MACROD2: variants seen among roughly 807,000 people sequenced by gnomAD.
MACROD2 encodes ADP-ribose glycohydrolase MACROD2.
In MACROD2, 36 loss-of-function variants were observed where a neutral mutation model predicts 70.4. The observed-to-expected ratio is 0.51, with a 90% CI of 0.39 to 0.68. The LOEUF (loss-of-function observed/expected upper bound fraction) is 0.68, where lower values mean the gene tolerates loss of function less well. Ranked by LOEUF, MACROD2 falls within the 30% of genes least tolerant of loss-of-function variation. The pLI is 0.00. For synonymous variants in MACROD2, 172 were observed against 178.8 expected (o/e 0.96, Z 0.30); for missense variants, 496 against 538.4 (o/e 0.92, Z 0.78).
In MACROD2 at chr20:14,316,415, T is replaced by C. The variant is rs183923895; in HGVS notation, c.272-177064T>C. Among the ~76,000 whole-genome samples, 719 of 152,316 alleles carry C rather than the reference T, an allele frequency of 4.7e-3. 3 individuals carry two copies. The highest frequency in any genetic ancestry group is 0.017 in the African/African-American group (699 of 41,570). On this transcript the variant is annotated intron_variant, in intron 3 of 17. Transcript: ENST00000684519. ...TAATCTTTTTTTCTTGACTCAAACA[T>C]TAAAAAATTTACTGATGAAGTATTT...
intron 2 of MACROD2, among the ~76,000 whole-genome samples, chr20:14,024,771 C>T (rs756804926): frequency 3.9e-5 from 6 of 152,072 alleles, no homozygotes; most frequent in Non-Finnish European, 7.4e-5. Flanking sequence ...GAATTCGGTT[C>T]GCCAGTACTT....
chr20:14,372,441 T>C (rs543631843), intron 3 of MACROD2, among the ~76,000 whole-genome samples: 21 of 152,274 alleles, frequency 1.4e-4, no homozygotes, highest in Admixed American at 1.3e-3. Context: ...GGAGATTTGA[T>C]AGAAAATGTC....
intron 3 of MACROD2, among the ~76,000 whole-genome samples, chr20:14,244,786 A>G (rs538269536): frequency 2.6e-5 from 4 of 152,222 alleles, no homozygotes; most frequent in Non-Finnish European, 5.9e-5. Context: ...CCATGCTGTG[A>G]TATTACTTGG....
intron 8 of MACROD2, among the ~76,000 whole-genome samples, chr20:15,583,652 T>G (rs540340762): frequency 7.2e-5 from 11 of 152,312 alleles, no homozygotes; most frequent in African/African-American, 1.9e-4. Flanking sequence ...TTTTGTTTTT[T>G]TTTCTTATTG....
chr20:14,331,539 A>G (rs6110247), intron 3 of MACROD2, among the ~76,000 whole-genome samples: 24,841 of 152,058 alleles, frequency 0.16, 2,583 homozygotes, highest in East Asian at 0.29. Flanking sequence ...GCAAAAACAT[A>G]AAACAGGTTT....
intron 3 of MACROD2, among the ~76,000 whole-genome samples, chr20:14,289,155 T>C (rs1225838891): frequency 6.6e-6 from 1 of 152,192 alleles, no homozygotes; most frequent in Non-Finnish European, 1.5e-5. Flanking sequence ...TGGGGGACTC[T>C]ATTCAGTACA....
chr20:14,373,236 C>G (rs1384665053), intron 3 of MACROD2, among the ~76,000 whole-genome samples: 1 of 152,024 alleles, frequency 6.6e-6, no homozygotes, highest in Non-Finnish European at 1.5e-5. Flanking sequence ...ATTTAGTGCC[C>G]TTGCTTTTCC....
chr20:15,880,348 T>G (rs2064737241), intron 9 of MACROD2, among the ~76,000 whole-genome samples: 1 of 151,938 alleles, frequency 6.6e-6, no homozygotes, highest in African/African-American at 2.4e-5. Context: ...TTTACAGATG[T>G]TTTTCCCTCT....
intron 8 of MACROD2, among the ~76,000 whole-genome samples, chr20:15,817,832 T>A (rs2063893798): frequency 2.0e-5 from 3 of 152,178 alleles, no homozygotes; most frequent in Admixed American, 2.0e-4. Flanking sequence ...AGTTTCAGAA[T>A]AAAGCGTAGG....
At chr20:15,936,116 G>A (rs536831724) in intron 11 of MACROD2, among the ~76,000 whole-genome samples, 3 of 151,678 alleles carry the variant, frequency 2.0e-5, no homozygotes, top group South Asian at 4.2e-4. Context: ...TTAGTTCCCC[G>A]ACCCTGCTAC....
chr20:14,252,053 A>T (rs996772868), intron 3 of MACROD2, among the ~76,000 whole-genome samples: 67 of 152,082 alleles, frequency 4.4e-4, no homozygotes, highest in African/African-American at 1.5e-3. Context: ...TTAATCTTTT[A>T]TGTGTCCCAC....
In MACROD2 at chr20:14,069,443, A is replaced by G. The variant is rs955774822; in HGVS notation, c.164-16178A>G. Among the ~76,000 whole-genome samples the G allele has an allele frequency of 2.6e-5, 4 of 151,808 alleles. No individual in the cohort carries two copies. The South Asian group carries it at 6.3e-4, about 24-fold the overall frequency. On this transcript the variant is annotated intron_variant, in intron 2 of 17. Transcript: ENST00000684519. ...TTTGCTTTCAGATTTACAACACAGTATATTTGTATATATTTATACCAGGCT... is the reference window on the plus strand; with the variant it reads ...TTTGCTTTCAGATTTACAACACAGTGTATTTGTATATATTTATACCAGGCT...
At chr20:15,177,507 C>A (rs1343801804) in intron 5 of MACROD2, among the ~76,000 whole-genome samples, 1 of 152,084 alleles carries the variant, frequency 6.6e-6, no homozygotes, top group Non-Finnish European at 1.5e-5. Flanking sequence ...GCAGAAAACT[C>A]CTCTTTGACT....
At chr20:14,058,051 A>G (rs1226183348) in intron 2 of MACROD2, among the ~76,000 whole-genome samples, 4 of 152,170 alleles carry the variant, frequency 2.6e-5, no homozygotes, top group African/African-American at 9.7e-5. Flanking sequence ...ACTTTTATGG[A>G]TGAGGAAGGG....
chr20:14,140,309 C>T (rs2054853429), intron 3 of MACROD2, among the ~76,000 whole-genome samples: 1 of 152,138 alleles, frequency 6.6e-6, no homozygotes, highest in South Asian at 2.1e-4. Flanking sequence ...ATGATCACTG[C>T]TTTCATTACA....
chr20:15,230,839 C>G (rs2076953620), intron 6 of MACROD2, among the ~76,000 whole-genome samples: 1 of 152,072 alleles, frequency 6.6e-6, no homozygotes, highest in Non-Finnish European at 1.5e-5. Context: ...TAGAAAAACA[C>G]ACTGTAAATA....
chr20:15,355,887 A>G (rs1235362347), intron 6 of MACROD2, among the ~76,000 whole-genome samples: 4 of 152,192 alleles, frequency 2.6e-5, no homozygotes, highest in Non-Finnish European at 4.4e-5. Flanking sequence ...CCCCTATAAA[A>G]TAATTATGAT....
intron 5 of MACROD2, among the ~76,000 whole-genome samples, chr20:15,013,870 A>C (rs2075101993): frequency 1.3e-5 from 2 of 152,264 alleles, no homozygotes; most frequent in East Asian, 3.9e-4. Flanking sequence ...AAGCATGATC[A>C]CTCTGAGCAG....
At chr20:14,890,206 A>G (rs1050212924) in intron 5 of MACROD2, among the ~76,000 whole-genome samples, 2 of 152,194 alleles carry the variant, frequency 1.3e-5, no homozygotes, top group African/African-American at 4.8e-5. Context: ...GATCTGGGCA[A>G]GAGATACAAC....
Sources: gnomAD v4.1 joint callset for allele counts (sites outside exome capture counted in the v4.1 genomes callset) on GRCh38, gnomAD v4.1.1 for gene constraint, MANE v1.5 for transcripts, NCBI Gene and HGNC (gene_info 2026-07-23, HGNC 2026-07-21) for gene names.